Variants in METTL8 observed in about 807,000 individuals in gnomAD.
METTL8 encodes the protein tRNA N(3)-cytidine methyltransferase METTL8, mitochondrial.
METTL8 carries 32 observed loss-of-function variants against 48.7 expected under a neutral mutation model. That is an observed-to-expected ratio of 0.66 (90% CI 0.50 to 0.88). The LOEUF is 0.88. METTL8 is among the 40% of genes least tolerant of loss of function. The pLI is 0.00. For missense variants in METTL8, 464 were observed against 474.4 expected, an observed-to-expected ratio of 0.98 and a Z score of 0.20; for synonymous variants, 136 against 157.1, an observed-to-expected ratio of 0.87 and a Z score of 1.01.
intron 3 of METTL8, among the ~76,000 whole-genome samples, chr2:171,357,768 TACTGCAGCCTCAA>T (rs1294549419): frequency 6.6e-6 from 1 of 151,978 alleles, no homozygotes; most frequent in Middle Eastern, 3.2e-3. Flanking sequence ...AATTACAGCT[TACTGCAGCCTCAA>T]ACTCCCGGGT....
intron 2 of METTL8, among the ~76,000 whole-genome samples, chr2:171,376,971 C>T (rs944327356): frequency 3.3e-5 from 5 of 152,168 alleles, no homozygotes; most frequent in African/African-American, 1.2e-4. Flanking sequence ...GTTACCAAAA[C>T]AGCATGGTAC....
In METTL8 at chr2:171,323,946, ATTC is replaced by A; in HGVS notation, c.*223_*225del. 2.6e-6 allele frequency: 1 copy of A among 386,970 alleles called. No homozygotes were observed. 24.0% of individuals were successfully genotyped at this position (386,970 alleles called of 1,614,324 possible). On this transcript the variant is annotated 3_prime_UTR_variant, in exon 10 of 10. Transcript: ENST00000375258. ...CAAGCAAAATGGTTAGATGTAATAAATTCAAACAAGCTTGAGCATATCAAGTTT... is the reference window on the plus strand; with the variant it reads ...CAAGCAAAATGGTTAGATGTAATAAAAAACAAGCTTGAGCATATCAAGTTT...
intron 2 of METTL8, among the ~76,000 whole-genome samples, chr2:171,391,235 C>T (rs919221144): frequency 6.6e-6 from 1 of 152,196 alleles, no homozygotes; most frequent in South Asian, 2.1e-4. Flanking sequence ...TAGGTTTGTA[C>T]ACTGTTTTCT....
Position 171,316,360 on chromosome 2 carries a change from T to C in METTL8, c.*7812A>G, listed in dbSNP as rs1684263135. ...AGCAGCAGTGCTGAATGGGGAAGCC[T>C]GGATCCATGGTTTTTTCCTAAAGTA... is the stretch of plus-strand genomic sequence containing the variant. On this transcript the variant is annotated 3_prime_UTR_variant, in exon 10 of 10. Coordinates refer to ENST00000375258, the MANE Select transcript of METTL8 (RefSeq NM_001321154.2). 6.6e-6 allele frequency among the ~76,000 whole-genome samples: 1 copy of C among 152,358 alleles called. No individual in the cohort carries two copies. Among genetic ancestry groups the C allele is most frequent in the East Asian group, 1.9e-4 (1 of 5,190 alleles).
At chr2:171,336,958 C>T (rs1486231887) in intron 5 of METTL8, among the ~76,000 whole-genome samples, 2 of 147,948 alleles carry the variant, frequency 1.4e-5, no homozygotes, top group African/African-American at 5.0e-5. Context: ...AACTCTGCCT[C>T]CTGGTTCAAG....
At chr2:171,408,077 T>C (rs1285029061) in intron 1 of METTL8, among the ~76,000 whole-genome samples, 1 of 152,148 alleles carries the variant, frequency 6.6e-6, no homozygotes, top group African/African-American at 2.4e-5. Flanking sequence ...GTTTTATTGG[T>C]TTTGTGGTTG....
At chr2:171,363,677 A>C (rs1375602826) in intron 2 of METTL8, among the ~76,000 whole-genome samples, 1 of 150,866 alleles carries the variant, frequency 6.6e-6, no homozygotes, top group Non-Finnish European at 1.5e-5. Context: ...GGAATGAAAA[A>C]ATTATAGTAA....
At chr2:171,396,691 G>C (rs910960986) in intron 1 of METTL8, among the ~76,000 whole-genome samples, 1 of 152,148 alleles carries the variant, frequency 6.6e-6, no homozygotes, top group Non-Finnish European at 1.5e-5. Flanking sequence ...GAACAAATCT[G>C]AAGAGAAATT....
intron 1 of METTL8, chr2:171,414,772 T>A (rs1393864006): frequency 6.6e-6 from 1 of 151,958 alleles, no homozygotes; most frequent in South Asian, 2.1e-4. Context: ...TTTATTGGTA[T>A]GTGATATGGT....
rs562213479 is a variant in METTL8 at position 171,341,101 on chromosome 2, G to A, written c.236-1547C>T. Among the ~76,000 whole-genome samples the A allele has an allele frequency of 3.1e-3, 473 of 151,944 alleles. 2 individuals carry two copies. The highest frequency in any genetic ancestry group is 5.8e-3 in the Admixed American group (88 of 15,276). The stretch of plus-strand genomic sequence containing the variant: ...TCCCAGCACTTTGGGAGGCCGAGGC[G>A]GGCGGATCACGAGGTCAGGAGTTCA... On this transcript the variant is annotated intron_variant, in intron 3 of 9. Coordinates refer to ENST00000375258, the MANE Select transcript of METTL8 (RefSeq NM_001321154.2).
intron 3 of METTL8, 23 bp downstream of exon 3, chr2:171,360,399 A>G: frequency 6.2e-7 from 1 of 1,603,822 alleles, no homozygotes; most frequent in Non-Finnish European, 8.5e-7. Flanking sequence ...TGGCTCTAGG[A>G]GCTACAGCAC....
intron 2 of METTL8, among the ~76,000 whole-genome samples, chr2:171,367,436 GATCTTTCAA>G (rs1685840597): frequency 6.6e-6 from 1 of 152,062 alleles, no homozygotes; most frequent in African/African-American, 2.4e-5. Context: ...GCAGTAAAAA[GATCTTTCAA>G]ATTTGTAAAA....
At position 171,330,601 on chromosome 2, in the gene METTL8, A is replaced by G. The variant is rs917952029; in HGVS notation, c.818T>C (p.Val273Ala). Reference sequence around the variant, plus strand: ...AGAGAGCACAAAGACAAGGAGAATGACATCCAGGATCCCATCTGGAAAAGG... The same window carrying G: ...AGAGAGCACAAAGACAAGGAGAATGGCATCCAGGATCCCATCTGGAAAAGG... ...PYPFPDGILD[V>A]ILLVFVLSSI... is the part of the protein sequence containing the mutation. Residue 273 changes from valine (V) to alanine (A), a missense_variant, in exon 7 of 10, where the codon GTC becomes GCC. Transcript: ENST00000375258. 1 of 1,613,812 alleles carries G rather than the reference A, an allele frequency of 6.2e-7. No homozygotes were observed.
chr2:171,367,799 T>C (rs1685881611), intron 2 of METTL8, among the ~76,000 whole-genome samples: 1 of 152,230 alleles, frequency 6.6e-6, no homozygotes, highest in South Asian at 2.1e-4. Flanking sequence ...TTCTTAATTT[T>C]ATGCTAGGTG....
chr2:171,316,808 C>A lies in METTL8; in HGVS notation c.*7364G>T, dbSNP rs1292508614. Among the ~76,000 whole-genome samples, 5 of 152,306 alleles carry A rather than the reference C, an allele frequency of 3.3e-5. No homozygotes were observed. Among genetic ancestry groups the A allele is most frequent in the Non-Finnish European group, 7.3e-5 (5 of 68,032 alleles). Reference sequence around the variant, plus strand: ...CAGAAATTTCTTTCTTGTTTCAATGCAGCATGTGATACTGGCAATTTCAGC... The same window carrying A: ...CAGAAATTTCTTTCTTGTTTCAATGAAGCATGTGATACTGGCAATTTCAGC... On this transcript the variant is annotated 3_prime_UTR_variant, in exon 10 of 10. Transcript: ENST00000375258.
chr2:171,359,110 A>T (rs2105469300), intron 3 of METTL8, among the ~76,000 whole-genome samples: 1 of 150,622 alleles, frequency 6.6e-6, no homozygotes, highest in African/African-American at 2.4e-5. Context: ...ACCCAGTCAG[A>T]TTAAGCTGCA....
intron 1 of METTL8, among the ~76,000 whole-genome samples, chr2:171,404,976 G>T (rs527790740): frequency 6.6e-6 from 1 of 152,306 alleles, no homozygotes; most frequent in Admixed American, 6.5e-5. Context: ...TTCTTGCAAT[G>T]ACTAGATGTA....
At chr2:171,415,867 T>C (rs937124819) in intron 1 of METTL8, among the ~76,000 whole-genome samples, 2 of 151,674 alleles carry the variant, frequency 1.3e-5, no homozygotes, top group Non-Finnish European at 2.9e-5. Context: ...CAGAGAAGAG[T>C]TGCTTAAAAG....
Position 171,337,580 on chromosome 2 carries a change from G to GA in METTL8, c.607-79dup, listed in dbSNP as rs1559064217. Reference sequence around the variant, plus strand: ...CACCAATGTCAGATCTCCTATTAAAGAAAAAAACAATTAGACTTACTGGAT... The same window carrying GA: ...CACCAATGTCAGATCTCCTATTAAAGAAAAAAAACAATTAGACTTACTGGAT... On this transcript the variant is annotated intron_variant, in intron 4 of 9. Coordinates refer to ENST00000375258, the MANE Select transcript of METTL8 (RefSeq NM_001321154.2). 12 of 1,064,968 alleles carry GA rather than the reference G, an allele frequency of 1.1e-5. No individual in the cohort carries two copies. The South Asian group carries it at 1.5e-4, about 13-fold the overall frequency. 66.0% of individuals were successfully genotyped at this position (1,064,968 alleles called of 1,614,324 possible).
Sources: allele counts gnomAD v4.1 joint callset (sites outside exome capture counted in the v4.1 genomes callset), GRCh38; gene constraint gnomAD v4.1.1; transcripts MANE v1.5; gene names NCBI Gene and HGNC (gene_info 2026-07-23, HGNC 2026-07-21).